The following PSAT1 variants were observed in gnomAD, a reference collection of about 807,000 sequenced individuals.
The protein encoded by PSAT1 is phosphoserine aminotransferase.
PSAT1 carries 41 observed loss-of-function variants against 40.3 expected under a neutral mutation model. That is an observed-to-expected ratio of 1.02 (90% CI 0.79 to 1.32). The LOEUF (loss-of-function observed/expected upper bound fraction) is 1.32, where lower values mean the gene tolerates loss of function less well. Among genes scored for constraint, PSAT1 ranks in the 40% most tolerant of loss-of-function variants. The pLI, the probability that PSAT1 is intolerant of heterozygous loss-of-function variation, is 0.00. For missense variants in PSAT1, 406 were observed against 455.8 expected (o/e 0.89, Z 0.99); for synonymous variants, 147 against 170.5 (o/e 0.86, Z 1.07).
intron 7 of PSAT1, among the ~76,000 whole-genome samples, chr9:78,321,339 G>C (rs141737554): frequency 3.5e-4 from 54 of 152,320 alleles, no homozygotes; most frequent in African/African-American, 1.3e-3. Context: ...TCTCTCCTCT[G>C]TTTATAGCTG....
At chr9:78,310,111 G>A (rs1482894101) in intron 6 of PSAT1, among the ~76,000 whole-genome samples, 1 of 152,214 alleles carries the variant, frequency 6.6e-6, no homozygotes, top group African/African-American at 2.4e-5. Flanking sequence ...CAAGGGAAGA[G>A]CTGGAGTTTG....
intron 3 of PSAT1, among the ~76,000 whole-genome samples, chr9:78,303,785 A>G (rs1374315686): frequency 1.3e-5 from 2 of 151,958 alleles, no homozygotes; most frequent in African/African-American, 4.8e-5. Context: ...GCCCTTTATT[A>G]ATTTACCTCT....
intron 7 of PSAT1, among the ~76,000 whole-genome samples, chr9:78,325,476 G>C (rs1828483869): frequency 6.6e-6 from 1 of 152,258 alleles, no homozygotes; most frequent in African/African-American, 2.4e-5. Flanking sequence ...CTCCAGTTAA[G>C]TCAGCAGACT....
intron 7 of PSAT1, among the ~76,000 whole-genome samples, chr9:78,326,835 G>T (rs1828503527): frequency 1.3e-5 from 2 of 150,908 alleles, no homozygotes; most frequent in Admixed American, 1.3e-4. Flanking sequence ...TTTGGAGCCA[G>T]ATGGTCTACA....
chr9:78,308,381 C>G (rs760378082), intron 5 of PSAT1, 33 bp from the exon 6 acceptor site: 1 of 1,609,200 alleles, frequency 6.2e-7, no homozygotes, highest in Non-Finnish European at 8.5e-7. Flanking sequence ...ATGGCCAAAT[C>G]CTTCTTAAGC....
Position 78,308,677 on chromosome 9 carries a change from T to C in PSAT1, c.740+94T>C. The C allele has an allele frequency of 2.1e-6, 3 of 1,446,678 alleles. No homozygotes were observed. The South Asian group carries it at 3.7e-5, about 18-fold the overall frequency. The allele number at this position is 1,446,678 out of a possible 1,614,324, so 89.6% of individuals were successfully genotyped here. A position where few individuals can be genotyped will look rare whatever the true frequency, so the allele number is the denominator to read the frequency against. On this transcript the variant is annotated intron_variant, in intron 6 of 8. Coordinates refer to ENST00000376588, the MANE Select transcript of PSAT1 (RefSeq NM_058179.4). ...CATTTTAAAATAAAACATGTAAGCC[T>C]GGGCGCGGTGGCTCACACCTGTAAT...
intron 7 of PSAT1, among the ~76,000 whole-genome samples, chr9:78,319,936 C>T (rs1248149653): frequency 1.3e-5 from 2 of 152,014 alleles, no homozygotes; most frequent in Non-Finnish European, 2.9e-5. Context: ...ATTCATTCAT[C>T]TACTCACCCA....
intron 7 of PSAT1, among the ~76,000 whole-genome samples, chr9:78,326,625 A>G (rs914143975): frequency 6.6e-6 from 1 of 152,162 alleles, no homozygotes; most frequent in African/African-American, 2.4e-5. Flanking sequence ...AGCATTTAAT[A>G]TGTTGCAGAC....
chr9:78,314,114 A>T (rs1828305914), intron 6 of PSAT1, among the ~76,000 whole-genome samples: 1 of 152,236 alleles, frequency 6.6e-6, no homozygotes, highest in African/African-American at 2.4e-5. Flanking sequence ...GGAAGAATTG[A>T]GACCACTCTA....
intron 7 of PSAT1, among the ~76,000 whole-genome samples, chr9:78,324,456 T>C (rs1019878494): frequency 2.0e-5 from 3 of 152,130 alleles, no homozygotes; most frequent in Admixed American, 6.5e-5. Context: ...ATAGCCCACA[T>C]AGCCTCTCAG....
intron 7 of PSAT1, among the ~76,000 whole-genome samples, chr9:78,318,218 G>A (rs56076810): frequency 0.011 from 1,733 of 152,272 alleles, 21 homozygotes; most frequent in South Asian, 0.037. Flanking sequence ...CCTCTTCTGC[G>A]TTATTTCCCT....
rs559885904 is a variant in PSAT1 at position 78,297,385 on chromosome 9, A to G, written c.60+115A>G. ...TCCCGCTCCCTGCCTTGAGTCCCCTAGGCGCTTTGCATCAGCGTGCACAGC... is the reference window on the plus strand; with the variant it reads ...TCCCGCTCCCTGCCTTGAGTCCCCTGGGCGCTTTGCATCAGCGTGCACAGC... On this transcript the variant is annotated intron_variant, in intron 1 of 8. Coordinates refer to ENST00000376588, the MANE Select transcript of PSAT1 (RefSeq NM_058179.4). The G allele has an allele frequency of 5.2e-3, 6,561 of 1,251,310 alleles. 30 individuals are homozygous for G. Among genetic ancestry groups the G allele is most frequent in the Non-Finnish European group, 5.5e-3 (4,910 of 888,682 alleles). 77.5% of individuals were successfully genotyped at this position (1,251,310 alleles called of 1,614,324 possible). A position where few individuals can be genotyped will look rare whatever the true frequency, so the allele number is the denominator to read the frequency against.
chr9:78,318,501 G>A (rs574367096), intron 7 of PSAT1, among the ~76,000 whole-genome samples: 3 of 152,336 alleles, frequency 2.0e-5, no homozygotes, highest in African/African-American at 7.2e-5. Flanking sequence ...TCTGGGGCCA[G>A]AAGTTCAAAA....
At chr9:78,318,507 C>T (rs1828381247) in intron 7 of PSAT1, among the ~76,000 whole-genome samples, 1 of 152,130 alleles carries the variant, frequency 6.6e-6, no homozygotes, top group Non-Finnish European at 1.5e-5. Flanking sequence ...GCCAGAAGTT[C>T]AAAATCAAAA....
intron 6 of PSAT1, among the ~76,000 whole-genome samples, chr9:78,312,844 T>A (rs1828287573): frequency 6.6e-6 from 1 of 152,124 alleles, no homozygotes; most frequent in Non-Finnish European, 1.5e-5. Flanking sequence ...GAGGGGTGTG[T>A]AGTGGAGCCA....
intron 1 of PSAT1, among the ~76,000 whole-genome samples, chr9:78,297,855 G>A (rs994079966): frequency 1.4e-4 from 22 of 152,182 alleles, no homozygotes; most frequent in Non-Finnish European, 5.9e-5. Context: ...GCTTTAGCCA[G>A]CACTTAGGAA....
chr9:78,312,873 TGG>T (rs1268026200), intron 6 of PSAT1, among the ~76,000 whole-genome samples: 2 of 152,116 alleles, frequency 1.3e-5, no homozygotes, highest in Non-Finnish European at 2.9e-5. Context: ...AGCTTTCCTC[TGG>T]GAAAAGTGCT....
intron 7 of PSAT1, 100 bp from the exon 8 acceptor site, chr9:78,327,951 C>T (rs906395809): frequency 2.4e-6 from 3 of 1,276,522 alleles, no homozygotes; most frequent in Non-Finnish European, 3.3e-6. Context: ...AAATCTTCTG[C>T]TTGCATCTAG....
chr9:78,315,150 T>A (rs567609727), intron 6 of PSAT1, among the ~76,000 whole-genome samples: 102 of 152,310 alleles, frequency 6.7e-4, no homozygotes, highest in Non-Finnish European at 1.3e-3. Flanking sequence ...GTCACTGGTG[T>A]GTGGTGATAG....
Sources: allele counts gnomAD v4.1 joint callset (sites outside exome capture counted in the v4.1 genomes callset), GRCh38; gene constraint gnomAD v4.1.1; transcripts MANE v1.5; gene names NCBI Gene and HGNC (gene_info 2026-07-23, HGNC 2026-07-21).